TAFA2: variants seen among roughly 807,000 people sequenced by gnomAD.
TAFA2 encodes the protein TAFA chemokine like family member 2, also known as chemokine-like protein TAFA-2.
Under a neutral mutation model 18.8 loss-of-function variants are expected in TAFA2, and 7 were observed. The ratio of observed to expected loss-of-function variants is 0.37; its 90% confidence interval spans 0.21 to 0.70. TAFA2 has a LOEUF of 0.70. TAFA2 is among the 30% of genes least tolerant of loss of function. The pLI is 0.53. For synonymous variants in TAFA2, 60 were observed against 54.2 expected, an observed-to-expected ratio of 1.11 and a Z score of -0.47; for missense variants, 122 against 158.1, an observed-to-expected ratio of 0.77 and a Z score of 1.23.
chr12:61,958,227 C>A (rs970872612), intron 1 of TAFA2, among the ~76,000 whole-genome samples: 1 of 152,128 alleles, frequency 6.6e-6, no homozygotes, highest in Non-Finnish European at 1.5e-5. Flanking sequence ...CCAAGATATC[C>A]AGTATAGCTC....
chr12:61,848,032 T>C (rs966721722), intron 2 of TAFA2, among the ~76,000 whole-genome samples: 8 of 152,186 alleles, frequency 5.3e-5, no homozygotes, highest in Admixed American at 1.3e-4. Context: ...ATTAATTCAA[T>C]TGATGGATTT....
intron 4 of TAFA2, among the ~76,000 whole-genome samples, chr12:61,722,721 C>CT (rs1185215413): frequency 6.6e-6 from 1 of 151,928 alleles, no homozygotes; most frequent in African/African-American, 2.4e-5. Flanking sequence ...AGTAGAATAA[C>CT]TTTTTCCTAT....
intron 1 of TAFA2, among the ~76,000 whole-genome samples, chr12:61,962,224 G>A (rs912915242): frequency 6.6e-6 from 1 of 151,946 alleles, no homozygotes; most frequent in African/African-American, 2.4e-5. Flanking sequence ...ATTTATTTAA[G>A]TATCAGCTTC....
At chr12:62,131,168 C>A (rs144506992) in intron 1 of TAFA2, among the ~76,000 whole-genome samples, 1 of 151,840 alleles carries the variant, frequency 6.6e-6, no homozygotes, top group Non-Finnish European at 1.5e-5. Flanking sequence ...ACTGGAGTAG[C>A]TAGAAATTGA....
chr12:61,914,989 T>A (rs1007963708), intron 1 of TAFA2, among the ~76,000 whole-genome samples: 3 of 151,944 alleles, frequency 2.0e-5, no homozygotes, highest in Admixed American at 6.5e-5. Flanking sequence ...ATGGTGAAAC[T>A]CTGTCTACTA....
intron 1 of TAFA2, among the ~76,000 whole-genome samples, chr12:62,066,177 AT>A (rs1315420649): frequency 1.3e-5 from 2 of 150,868 alleles, no homozygotes; most frequent in East Asian, 3.9e-4. Flanking sequence ...GGGTATATAT[AT>A]TTATGGGGTA....
At chr12:62,013,884 T>C (rs79129438) in intron 1 of TAFA2, among the ~76,000 whole-genome samples, 78 of 152,296 alleles carry the variant, frequency 5.1e-4, no homozygotes, top group African/African-American at 1.8e-3. Flanking sequence ...ACAATTGGTA[T>C]AATGGCAACA....
chr12:61,876,477 C>A (rs559975795), intron 1 of TAFA2, among the ~76,000 whole-genome samples: 3 of 152,230 alleles, frequency 2.0e-5, no homozygotes, highest in African/African-American at 7.2e-5. Context: ...AATATGCCAG[C>A]CAGCACTAGC....
chr12:62,254,593 C>T (rs141178039), intron 1 of TAFA2, among the ~76,000 whole-genome samples: 164 of 152,212 alleles, frequency 1.1e-3, no homozygotes, highest in African/African-American at 3.6e-3. Flanking sequence ...TAGTTCAAGA[C>T]GACCTAGATA....
chr12:62,098,738 T>A (rs187408863), intron 1 of TAFA2, among the ~76,000 whole-genome samples: 5 of 152,296 alleles, frequency 3.3e-5, no homozygotes, highest in Non-Finnish European at 4.4e-5. Flanking sequence ...AAGAATTATC[T>A]CTTCAGTGTA....
intron 1 of TAFA2, among the ~76,000 whole-genome samples, chr12:62,122,931 A>T (rs1320380500): frequency 6.6e-6 from 1 of 152,072 alleles, no homozygotes; most frequent in Non-Finnish European, 1.5e-5. Context: ...TCTACCATGG[A>T]GAACCCTCTT....
At chr12:61,994,989 T>C (rs1051163895) in intron 1 of TAFA2, among the ~76,000 whole-genome samples, 9 of 150,666 alleles carry the variant, frequency 6.0e-5, no homozygotes, top group African/African-American at 2.2e-4. Flanking sequence ...AACTGCCCCC[T>C]AACTGTCTGC....
intron 1 of TAFA2, among the ~76,000 whole-genome samples, chr12:62,101,641 C>T (rs1869207913): frequency 6.6e-6 from 1 of 152,192 alleles, no homozygotes; most frequent in Non-Finnish European, 1.5e-5. Flanking sequence ...CATCACTACC[C>T]TACACAGTAA....
intron 4 of TAFA2, among the ~76,000 whole-genome samples, chr12:61,745,496 C>G (rs889969272): frequency 6.6e-6 from 1 of 152,056 alleles, no homozygotes; most frequent in African/African-American, 2.4e-5. Flanking sequence ...CCTCACCTCC[C>G]AAGACCTCAA....
intron 2 of TAFA2, among the ~76,000 whole-genome samples, chr12:61,820,669 T>G (rs1472206160): frequency 6.6e-6 from 1 of 152,012 alleles, no homozygotes; most frequent in Non-Finnish European, 1.5e-5. Flanking sequence ...ATTGAGTATT[T>G]GATGACTGGA....
chr12:62,179,290 G>A (rs2062536037), intron 1 of TAFA2, among the ~76,000 whole-genome samples: 1 of 152,132 alleles, frequency 6.6e-6, no homozygotes, highest in African/African-American at 2.4e-5. Context: ...TAGGGAGGAA[G>A]TCGACAGAAA....
At chr12:61,746,138 G>T (rs1388571114) in intron 4 of TAFA2, among the ~76,000 whole-genome samples, 1 of 151,998 alleles carries the variant, frequency 6.6e-6, no homozygotes, top group East Asian at 1.9e-4. Flanking sequence ...AGAGGTAAGT[G>T]GATCATGAGG....
intron 1 of TAFA2, among the ~76,000 whole-genome samples, chr12:61,893,833 TTAGA>T (rs1258833595): frequency 3.3e-5 from 5 of 152,246 alleles, no homozygotes; most frequent in Non-Finnish European, 5.9e-5. Context: ...TAAATGAATG[TTAGA>T]TAATCACTTA....
At chr12:62,009,647 C>T (rs1035949426) in intron 1 of TAFA2, among the ~76,000 whole-genome samples, 1 of 152,186 alleles carries the variant, frequency 6.6e-6, no homozygotes, top group Non-Finnish European at 1.5e-5. Flanking sequence ...GTGACTAAGA[C>T]ATCCAAAGTG....
Sources: gnomAD v4.1 joint callset for allele counts (sites outside exome capture counted in the v4.1 genomes callset) on GRCh38, gnomAD v4.1.1 for gene constraint, MANE v1.5 for transcripts, NCBI Gene and HGNC (gene_info 2026-07-23, HGNC 2026-07-21) for gene names.